The following FGF7 variants were observed in gnomAD, a reference collection of about 807,000 sequenced individuals.
FGF7 encodes the protein fibroblast growth factor 7.
FGF7 carries 6 observed loss-of-function variants against 20.5 expected under a neutral mutation model. The observed-to-expected ratio is 0.29, with a 90% confidence interval of 0.16 to 0.58. The LOEUF (loss-of-function observed/expected upper bound fraction) is 0.58, where lower values mean the gene tolerates loss of function less well. Ranked by LOEUF, FGF7 falls within the 20% of genes least tolerant of loss-of-function variation. The pLI is 0.90. For missense variants in FGF7, 144 were observed against 228.8 expected (o/e 0.63, Z 2.39); for synonymous variants, 64 against 74.7 (o/e 0.86, Z 0.74).
intron 2 of FGF7, among the ~76,000 whole-genome samples, chr15:49,471,235 C>T (rs1433557563): frequency 1.4e-5 from 2 of 139,810 alleles, no homozygotes; most frequent in South Asian, 2.4e-4. Flanking sequence ...CCTGTAATCC[C>T]AGCACTTTGG....
intron 2 of FGF7, among the ~76,000 whole-genome samples, chr15:49,458,255 C>G (rs930515161): frequency 6.6e-6 from 1 of 151,818 alleles, no homozygotes; most frequent in African/African-American, 2.4e-5. Flanking sequence ...TTCATTTATA[C>G]TGAATTAATA....
intron 2 of FGF7, among the ~76,000 whole-genome samples, chr15:49,430,495 G>A (rs78025470): frequency 0.023 from 3,518 of 151,886 alleles, 88 homozygotes; most frequent in South Asian, 0.13. Flanking sequence ...ATTCTAGAGG[G>A]TTGGCTTAGT....
intron 3 of FGF7, among the ~76,000 whole-genome samples, chr15:49,483,722 A>G (rs959770293): frequency 6.6e-6 from 1 of 152,056 alleles, no homozygotes. Context: ...ACTTCACTAC[A>G]ATGCAAAATA....
At position 49,484,755 on chromosome 15, in the gene FGF7, T is replaced by C; in HGVS notation, c.*251T>C. On this transcript the variant is annotated 3_prime_UTR_variant, in exon 4 of 4. Transcript: ENST00000267843. ...AGGTTGTAAAAAATTGTAAAACTGG[T>C]TGTACAATCATGATGTTAGTAACAG... 1 of 337,124 alleles carries C rather than the reference T, an allele frequency of 3.0e-6. No homozygotes were observed. The highest frequency in any genetic ancestry group is 5.3e-6 in the Non-Finnish European group (1 of 187,450). 20.9% of individuals were successfully genotyped at this position (337,124 alleles called of 1,614,324 possible).
At chr15:49,476,640 A>G (rs184114043) in intron 2 of FGF7, among the ~76,000 whole-genome samples, 2 of 149,800 alleles carry the variant, frequency 1.3e-5, no homozygotes, top group Admixed American at 1.3e-4. Context: ...TTGGACATAA[A>G]TAAATAATGT....
At chr15:49,429,436 C>T (rs918516380) in intron 2 of FGF7, among the ~76,000 whole-genome samples, 3 of 151,948 alleles carry the variant, frequency 2.0e-5, no homozygotes, top group African/African-American at 4.8e-5. Context: ...TTCATTGCCA[C>T]GAGTGCATCT....
At chr15:49,432,564 C>G (rs61259878) in intron 2 of FGF7, among the ~76,000 whole-genome samples, 25,785 of 151,474 alleles carry the variant, frequency 0.17, 2,443 homozygotes, top group Non-Finnish European at 0.21. Flanking sequence ...TAAATTTCAA[C>G]TTGAGAGCTA....
Position 49,424,209 on chromosome 15 carries a change from T to G in FGF7, c.-89T>G. ...CTTAAATCAATCTACAATTCACAGA[T>G]AGGAAGAGGTCAATGACCTAGGAGT... On this transcript the variant is annotated 5_prime_UTR_variant, in exon 2 of 4. Coordinates refer to ENST00000267843, the MANE Select transcript of FGF7 (RefSeq NM_002009.4). The G allele has an allele frequency of 1.7e-6, 2 of 1,154,668 alleles. No homozygotes were observed. Among genetic ancestry groups the G allele is most frequent in the Non-Finnish European group, 2.5e-6 (2 of 795,644 alleles). 71.5% of individuals were successfully genotyped at this position (1,154,668 alleles called of 1,614,324 possible). A position where few individuals can be genotyped will look rare whatever the true frequency, so the allele number is the denominator to read the frequency against.
At chr15:49,464,028 A>C (rs964737510) in intron 2 of FGF7, among the ~76,000 whole-genome samples, 3 of 152,044 alleles carry the variant, frequency 2.0e-5, no homozygotes. Context: ...CCTGGCTTTG[A>C]ATAAGTTGTG....
In FGF7 at chr15:49,486,686, T is replaced by C. The variant is rs961790143; in HGVS notation, c.*2182T>C. The C allele has an allele frequency of 2.6e-5, 4 of 151,986 alleles. No homozygotes were observed. The highest frequency in any genetic ancestry group is 2.9e-5 in the Non-Finnish European group (2 of 67,910). The allele number at this position is 151,986 out of a possible 1,614,324, so 9.4% of individuals were successfully genotyped here. A position where few individuals can be genotyped will look rare whatever the true frequency, so the allele number is the denominator to read the frequency against. The stretch of plus-strand genomic sequence containing the variant: ...GGAGTTATACTTCCATCAAATTACA[T>C]AGCAATGCTGAATTAGGCAAAACCA... On this transcript the variant is annotated 3_prime_UTR_variant, in exon 4 of 4. Transcript: ENST00000267843.
chr15:49,434,463 C>G (rs2050905986), intron 2 of FGF7: 1 of 151,122 alleles, frequency 6.6e-6, no homozygotes, highest in African/African-American at 2.4e-5. Flanking sequence ...AAACCCAACA[C>G]AAGGAGAAGG....
At chr15:49,432,439 A>G (rs2050699501) in intron 2 of FGF7, among the ~76,000 whole-genome samples, 1 of 151,710 alleles carries the variant, frequency 6.6e-6, no homozygotes, top group African/African-American at 2.4e-5. Flanking sequence ...AGAATTTTTA[A>G]AACTCTAGGA....
intron 2 of FGF7, among the ~76,000 whole-genome samples, chr15:49,458,839 TC>T (rs925548985): frequency 6.6e-6 from 1 of 151,988 alleles, no homozygotes; most frequent in African/African-American, 2.4e-5. Context: ...TCAAAGTATT[TC>T]CCCCCTGCAC....
intron 2 of FGF7, among the ~76,000 whole-genome samples, chr15:49,426,062 C>A (rs1423888153): frequency 6.6e-6 from 1 of 151,108 alleles, no homozygotes; most frequent in Non-Finnish European, 1.5e-5. Context: ...ATAATAATAT[C>A]ATGGATAATA....
intron 2 of FGF7, among the ~76,000 whole-genome samples, chr15:49,454,620 ATTTTTTTGAG>A (rs1182240318): frequency 1.3e-5 from 2 of 152,096 alleles, no homozygotes; most frequent in Admixed American, 1.3e-4. Flanking sequence ...TTTTTATATT[ATTTTTTTGAG>A]ACGAAGTCTC....
intron 2 of FGF7, among the ~76,000 whole-genome samples, chr15:49,456,798 A>C (rs963498689): frequency 6.6e-6 from 1 of 152,142 alleles, no homozygotes; most frequent in African/African-American, 2.4e-5. Context: ...AGTCACAAAT[A>C]AACAAAAGAT....
At chr15:49,465,561 T>C (rs16962528) in intron 2 of FGF7, among the ~76,000 whole-genome samples, 49,265 of 151,944 alleles carry the variant, frequency 0.32, 8,702 homozygotes, top group African/African-American at 0.45. Context: ...AAAATATAAA[T>C]AGATTCAAGA....
At chr15:49,456,791 C>A (rs907609009) in intron 2 of FGF7, among the ~76,000 whole-genome samples, 3 of 151,992 alleles carry the variant, frequency 2.0e-5, no homozygotes, top group African/African-American at 4.8e-5. Flanking sequence ...GATGGGAAGT[C>A]ACAAATAAAC....
Position 49,450,438 on chromosome 15 carries a change from A to G in FGF7, c.286+25855A>G, listed in dbSNP as rs1014742628. Among the ~76,000 whole-genome samples the G allele has an allele frequency of 5.9e-5, 9 of 152,068 alleles. No individual in the cohort carries two copies. In the South Asian group the frequency reaches 1.2e-3, roughly 21 times the overall value. ...ACCCTTCAAAACCATCCTGAATGCC[A>G]TTTTTTAAGCCCCTCCTCTTAGCCA... On this transcript the variant is annotated intron_variant, in intron 2 of 3. Coordinates refer to ENST00000267843, the MANE Select transcript of FGF7 (RefSeq NM_002009.4).
Sources: allele counts gnomAD v4.1 joint callset (sites outside exome capture counted in the v4.1 genomes callset), GRCh38; gene constraint gnomAD v4.1.1; transcripts MANE v1.5; gene names NCBI Gene and HGNC (gene_info 2026-07-23, HGNC 2026-07-21).